Variants in ZCCHC7 observed in about 807,000 individuals in gnomAD.
ZCCHC7 encodes the protein zinc finger CCHC domain-containing protein 7.
In ZCCHC7, 35 loss-of-function variants were observed where a neutral mutation model predicts 52.0. The ratio of observed to expected loss-of-function variants is 0.67; its 90% CI spans 0.51 to 0.89. The LOEUF is 0.89. ZCCHC7 is among the 40% of genes least tolerant of loss of function. The probability of loss-of-function intolerance (pLI) is 0.00; values close to 1 mark genes in which losing one functional copy is unlikely to be tolerated. For missense variants in ZCCHC7, 574 were observed against 649.1 expected (o/e 0.88, Z 1.26); for synonymous variants, 217 against 221.5 (o/e 0.98, Z 0.18).
intron 2 of ZCCHC7, among the ~76,000 whole-genome samples, chr9:37,230,677 G>T (rs929896670): frequency 1.3e-5 from 2 of 151,870 alleles, no homozygotes; most frequent in South Asian, 4.1e-4. Flanking sequence ...AGGAATTTTT[G>T]TTTCTCCTCT....
At position 37,278,036 on chromosome 9, in the gene ZCCHC7, G is replaced by GT. The variant is rs1554723055; in HGVS notation, c.611-24148dup. Among the ~76,000 whole-genome samples the GT allele has an allele frequency of 2.4e-4, 23 of 97,728 alleles. 1 individual carries two copies. The highest frequency in any genetic ancestry group is 4.3e-5 in the African/African-American group (1 of 23,062). The allele number at this position is 97,728 out of a possible 152,430, so 64.1% of individuals were successfully genotyped here. A position where few individuals can be genotyped will look rare whatever the true frequency, so the allele number is the denominator to read the frequency against. On this transcript the variant is annotated intron_variant, in intron 2 of 8. Transcript: ENST00000336755. ...TGTTTGTGTGTGTGTGTGTGTGTGT[G>GT]TTTTGTTTTGTTTTGTTTTGTTTTG... is the stretch of plus-strand genomic sequence containing the variant.
intron 2 of ZCCHC7, among the ~76,000 whole-genome samples, chr9:37,168,071 C>T (rs898109961): frequency 6.6e-6 from 1 of 152,106 alleles, no homozygotes; most frequent in African/African-American, 2.4e-5. Flanking sequence ...TTTAGTCTTC[C>T]TGGGTTCTCA....
At chr9:37,247,861 A>G (rs956859721) in intron 2 of ZCCHC7, among the ~76,000 whole-genome samples, 37 of 152,226 alleles carry the variant, frequency 2.4e-4, no homozygotes, top group South Asian at 1.0e-3. Flanking sequence ...TGATTGCACC[A>G]CTGTGTTCTA....
At chr9:37,256,297 C>T (rs1305265205) in intron 2 of ZCCHC7, among the ~76,000 whole-genome samples, 3 of 152,128 alleles carry the variant, frequency 2.0e-5, no homozygotes, top group Admixed American at 6.5e-5. Flanking sequence ...TAGTTCTCAT[C>T]GTGTGGTCTG....
chr9:37,157,538 C>T (rs1300119548), intron 2 of ZCCHC7, among the ~76,000 whole-genome samples: 1 of 152,052 alleles, frequency 6.6e-6, no homozygotes, highest in African/African-American at 2.4e-5. Context: ...ATTTATAACC[C>T]ACGTATCTGA....
intron 2 of ZCCHC7, among the ~76,000 whole-genome samples, chr9:37,169,039 G>A (rs889754504): frequency 3.9e-5 from 6 of 152,140 alleles, no homozygotes; most frequent in African/African-American, 1.4e-4. Flanking sequence ...TCTTTGAACT[G>A]TTGAAAGATC....
At chr9:37,338,869 A>T (rs1306550071) in intron 6 of ZCCHC7, among the ~76,000 whole-genome samples, 2 of 152,078 alleles carry the variant, frequency 1.3e-5, no homozygotes, top group African/African-American at 4.8e-5. Context: ...ATGAATTTTC[A>T]TAAGGATTTT....
At chr9:37,220,203 T>G (rs899688784) in intron 2 of ZCCHC7, among the ~76,000 whole-genome samples, 30 of 152,172 alleles carry the variant, frequency 2.0e-4, no homozygotes, top group African/African-American at 7.2e-4. Context: ...TTTTCAGGGA[T>G]CTTATATTCT....
At chr9:37,152,335 T>C (rs1162285494) in intron 2 of ZCCHC7, among the ~76,000 whole-genome samples, 1 of 152,130 alleles carries the variant, frequency 6.6e-6, no homozygotes, top group African/African-American at 2.4e-5. Flanking sequence ...TTTTTCCCAT[T>C]AGTAGCATCT....
chr9:37,124,014 G>C (rs1211762143), intron 1 of ZCCHC7, among the ~76,000 whole-genome samples: 1 of 152,188 alleles, frequency 6.6e-6, no homozygotes, highest in Non-Finnish European at 1.5e-5. Context: ...TAGGAATGTA[G>C]TACATTTTTG....
At chr9:37,200,682 A>G (rs1245843635) in intron 2 of ZCCHC7, among the ~76,000 whole-genome samples, 4 of 152,246 alleles carry the variant, frequency 2.6e-5, no homozygotes, top group Non-Finnish European at 4.4e-5. Flanking sequence ...GAAGAGTCAA[A>G]TAAGAAATTT....
intron 2 of ZCCHC7, among the ~76,000 whole-genome samples, chr9:37,299,901 A>C (rs763308342): frequency 6.6e-6 from 1 of 152,234 alleles, no homozygotes; most frequent in Non-Finnish European, 1.5e-5. Context: ...AGGTCTGCCT[A>C]TAAGCAGCTT....
intron 2 of ZCCHC7, among the ~76,000 whole-genome samples, chr9:37,299,363 C>G (rs996502281): frequency 2.0e-5 from 3 of 152,114 alleles, no homozygotes; most frequent in African/African-American, 7.2e-5. Context: ...AAATTAGAAT[C>G]AGAAATTCAG....
At chr9:37,267,071 AT>A (rs1827140302) in intron 2 of ZCCHC7, among the ~76,000 whole-genome samples, 1 of 152,172 alleles carries the variant, frequency 6.6e-6, no homozygotes, top group African/African-American at 2.4e-5. Flanking sequence ...TGTACAATTA[AT>A]TTATCCATTC....
At chr9:37,262,245 T>C (rs935761951) in intron 2 of ZCCHC7, among the ~76,000 whole-genome samples, 1 of 152,060 alleles carries the variant, frequency 6.6e-6, no homozygotes, top group Non-Finnish European at 1.5e-5. Flanking sequence ...AGAGATTTTT[T>C]TAGATAAACT....
intron 2 of ZCCHC7, among the ~76,000 whole-genome samples, chr9:37,194,270 T>C (rs76485927): frequency 0.051 from 7,710 of 152,238 alleles, 637 homozygotes; most frequent in African/African-American, 0.17. Flanking sequence ...GAGTACTTGA[T>C]TCCTGGTGAT....
At chr9:37,139,157 T>C (rs1843117415) in intron 2 of ZCCHC7, among the ~76,000 whole-genome samples, 1 of 152,024 alleles carries the variant, frequency 6.6e-6, no homozygotes, top group Non-Finnish European at 1.5e-5. Flanking sequence ...AGCAAAAGTA[T>C]GGACTTCATG....
intron 6 of ZCCHC7, among the ~76,000 whole-genome samples, chr9:37,346,358 T>A (rs1820973143): frequency 6.6e-6 from 1 of 152,108 alleles, no homozygotes; most frequent in Non-Finnish European, 1.5e-5. Context: ...AAATAAGACC[T>A]TTACAAAACA....
At chr9:37,288,151 A>T (rs1828346181) in intron 2 of ZCCHC7, among the ~76,000 whole-genome samples, 1 of 151,774 alleles carries the variant, frequency 6.6e-6, no homozygotes, top group South Asian at 2.1e-4. Flanking sequence ...ATGGTGGTAC[A>T]CACCTGTGGT....
Sources: gnomAD v4.1 joint callset for allele counts (sites outside exome capture counted in the v4.1 genomes callset) on GRCh38, gnomAD v4.1.1 for gene constraint, MANE v1.5 for transcripts, NCBI Gene and HGNC (gene_info 2026-07-23, HGNC 2026-07-21) for gene names.